The following PCSK5 variants were observed in gnomAD, a reference collection of about 807,000 sequenced individuals.
The protein encoded by PCSK5 is prohormone convertase 5.
Under a neutral mutation model 233.2 loss-of-function variants are expected in PCSK5, and 129 were observed. The ratio of observed to expected loss-of-function variants is 0.55; its 90% CI spans 0.48 to 0.64. The LOEUF (loss-of-function observed/expected upper bound fraction) is 0.64. Ranked by LOEUF, PCSK5 falls within the 30% of genes least tolerant of loss-of-function variation. PCSK5 has a pLI of 0.00. For missense variants in PCSK5, 2,076 were observed against 2,430.1 expected, an observed-to-expected ratio of 0.85 and a Z score of 3.06; for synonymous variants, 825 against 879.2, an observed-to-expected ratio of 0.94 and a Z score of 1.09.
At chr9:75,901,401 C>T (rs1193769346) in intron 1 of PCSK5, among the ~76,000 whole-genome samples, 1 of 152,054 alleles carries the variant, frequency 6.6e-6, no homozygotes. Context: ...TGTTCTCACT[C>T]ATAAGTGGGA....
At chr9:75,917,325 T>C (rs552395360) in intron 1 of PCSK5, among the ~76,000 whole-genome samples, 9 of 152,236 alleles carry the variant, frequency 5.9e-5, no homozygotes, top group Non-Finnish European at 1.3e-4. Context: ...GGCAATCACG[T>C]ATGATGCTGA....
chr9:76,292,238 C>G lies in PCSK5; in HGVS notation c.3148C>G (p.Pro1050Ala). 1 of 1,562,886 alleles carries G rather than the reference C, an allele frequency of 6.4e-7. No individual in the cohort carries two copies. The highest frequency in any genetic ancestry group is 8.8e-7 in the Non-Finnish European group (1 of 1,136,154). ...TTATTATTTTTTTTTTCCAGATGAT[C>G]CAGGAACATGTACATCTTGCGCTAT... ...EGCLGCSLDD[P>A]GTCTSCAMGY... The change falls in exon 25 of 38, where the codon CCA (proline) becomes GCA (alanine). Residue 1050 changes from proline to alanine, a missense_variant. This residue lies in a region of PCSK5 where 1,510 missense variants were observed against 1,538.1 expected (regional missense o/e 0.98). Coordinates refer to ENST00000674117, the MANE Select transcript of PCSK5 (RefSeq NM_001372043.1).
At chr9:75,974,506 G>A (rs1026164631) in intron 2 of PCSK5, among the ~76,000 whole-genome samples, 2 of 152,142 alleles carry the variant, frequency 1.3e-5, no homozygotes, top group Non-Finnish European at 2.9e-5. Context: ...GAGGCCGAAA[G>A]GCATGCTTTT....
chr9:76,037,617 A>T (rs1828917898), intron 5 of PCSK5, among the ~76,000 whole-genome samples: 1 of 152,176 alleles, frequency 6.6e-6, no homozygotes, highest in Admixed American at 6.5e-5. Context: ...TTTTGCACTT[A>T]AGCGACAACC....
rs1255151980 is a variant in PCSK5, at chr9:76,239,097, C to A, written c.3005C>A (p.Thr1002Lys). ...CELCHSVHVC[T>K]RCMKGYFIAP... ...CTTTGCCACAGCGTGCATGTCTGCA[C>A]AAGATGCATGAAGGGCTACTTCATA... is the stretch of plus-strand genomic sequence containing the variant. The change falls in exon 23 of 38, where the codon ACA becomes AAA. Residue 1002 changes from threonine (T) to lysine (K), a missense_variant. By Grantham distance (78) the Thr-to-Lys change is moderately conservative. This residue lies in a region of PCSK5 where 1,510 missense variants were observed against 1,538.1 expected (regional missense o/e 0.98). Transcript: ENST00000674117. 11 of 1,607,496 alleles carry A rather than the reference C, an allele frequency of 6.8e-6. 1 individual carries two copies. The highest frequency in any genetic ancestry group is 9.3e-6 in the Non-Finnish European group (11 of 1,177,586).
At chr9:76,012,303 G>A (rs576799692) in intron 3 of PCSK5, among the ~76,000 whole-genome samples, 7 of 152,170 alleles carry the variant, frequency 4.6e-5, no homozygotes, top group Middle Eastern at 3.4e-3. Flanking sequence ...TAACTAAATC[G>A]TACACATCAG....
chr9:75,915,313 C>G (rs1822939657), intron 1 of PCSK5, among the ~76,000 whole-genome samples: 1 of 152,176 alleles, frequency 6.6e-6, no homozygotes, highest in African/African-American at 2.4e-5. Flanking sequence ...GTTGAGCAGC[C>G]TGTTCTGTTT....
chr9:76,096,416 T>C (rs188907727), intron 8 of PCSK5, among the ~76,000 whole-genome samples: 19 of 152,326 alleles, frequency 1.2e-4, no homozygotes, highest in Admixed American at 1.0e-3. Flanking sequence ...GACTGGAATC[T>C]ACGCCTGACT....
intron 9 of PCSK5, among the ~76,000 whole-genome samples, chr9:76,114,437 T>C (rs997023971): frequency 7.9e-5 from 12 of 152,120 alleles, no homozygotes; most frequent in African/African-American, 2.9e-4. Context: ...AGAAGCCAAC[T>C]TTTCCTGGAC....
intron 3 of PCSK5, among the ~76,000 whole-genome samples, chr9:76,009,780 A>G (rs1340713624): frequency 6.6e-6 from 1 of 152,168 alleles, no homozygotes; most frequent in African/African-American, 2.4e-5. Flanking sequence ...CACAAAAGCT[A>G]AGGAATAACC....
chr9:76,188,620 G>T lies in PCSK5; in HGVS notation c.2325G>T (p.Arg775=). ...GCTCTGTCTCCTGTGAAGATGGACG[G>T]TATTTCAACGGCCAGGACTGCCAGC... ...SRCSVSCEDG[R]YFNGQDCQPC... is the part of the protein sequence containing the mutation. The change falls in exon 18 of 38, where the codon CGG becomes CGT. Residue 775 remains arginine (R), a synonymous_variant. Transcript: ENST00000674117. The T allele has an allele frequency of 1.9e-6, 3 of 1,613,812 alleles. No individual in the cohort carries two copies. Among genetic ancestry groups the T allele is most frequent in the Middle Eastern group, 1.7e-4 (1 of 6,058 alleles).
At chr9:75,907,224 TTACTCTGTAGC>T in intron 1 of PCSK5, among the ~76,000 whole-genome samples, 1 of 152,288 alleles carries the variant, frequency 6.6e-6, no homozygotes, top group East Asian at 1.9e-4. Flanking sequence ...GACTTAATTA[TTACTCTGTAGC>T]ATATAGCATA....
intron 5 of PCSK5, among the ~76,000 whole-genome samples, chr9:76,063,319 C>CTTTTTTTTTTTTTT (rs1157596601): frequency 1.8e-4 from 11 of 59,714 alleles, no homozygotes; most frequent in East Asian, 1.1e-3. Flanking sequence ...TTTCTTTTTT[C>CTTTTTTTTTTTTTT]TTTTTTTTTT....
chr9:76,164,490 C>T (rs1823013105), intron 12 of PCSK5, among the ~76,000 whole-genome samples: 1 of 152,184 alleles, frequency 6.6e-6, no homozygotes, highest in African/African-American at 2.4e-5. Context: ...TAAGTGGTAA[C>T]TCTTATTTAC....
At chr9:76,242,204 C>T (rs1007945759) in intron 24 of PCSK5, among the ~76,000 whole-genome samples, 1 of 152,144 alleles carries the variant, frequency 6.6e-6, no homozygotes, top group African/African-American at 2.4e-5. Flanking sequence ...TCACCTCACA[C>T]ATTTATCATT....
At chr9:76,150,700 C>T (rs997672026) in intron 10 of PCSK5, among the ~76,000 whole-genome samples, 2 of 152,138 alleles carry the variant, frequency 1.3e-5, no homozygotes, top group African/African-American at 4.8e-5. Context: ...CGTTTTACTA[C>T]CCCAAGGGAG....
intron 7 of PCSK5, among the ~76,000 whole-genome samples, chr9:76,091,651 G>C (rs117581956): frequency 6.6e-6 from 1 of 152,022 alleles, no homozygotes; most frequent in Non-Finnish European, 1.5e-5. Flanking sequence ...GGGGTATGCT[G>C]GCCAGAAACT....
intron 1 of PCSK5, among the ~76,000 whole-genome samples, chr9:75,925,777 C>G (rs528151806): frequency 2.0e-5 from 3 of 152,132 alleles, no homozygotes; most frequent in Non-Finnish European, 4.4e-5. Flanking sequence ...TATGGATTCT[C>G]CTTTGAATGT....
At chr9:76,227,190 A>G (rs562000309) in intron 20 of PCSK5, among the ~76,000 whole-genome samples, 2 of 152,316 alleles carry the variant, frequency 1.3e-5, no homozygotes, top group South Asian at 2.1e-4. Flanking sequence ...GGAGTTCAGT[A>G]AAGGGGTCTG....
Sources: gnomAD v4.1 joint callset for allele counts (sites outside exome capture counted in the v4.1 genomes callset) on GRCh38, gnomAD v4.1.1 for gene constraint, gnomAD v4.1.1 regional missense constraint, MANE v1.5 for transcripts, NCBI Gene and HGNC (gene_info 2026-07-23, HGNC 2026-07-21) for gene names.